Variants in NUP93 observed in about 807,000 individuals in gnomAD.
NUP93 encodes the protein nucleoporin 93.
NUP93 carries 55 observed loss-of-function variants against 107.8 expected under a neutral mutation model. That is an observed-to-expected ratio of 0.51 (90% CI 0.41 to 0.64). The LOEUF is 0.64. Ranked by LOEUF, NUP93 falls within the 30% of genes least tolerant of loss-of-function variation. NUP93 has a pLI of 0.00. For missense variants in NUP93, 937 were observed against 1,044.7 expected, an observed-to-expected ratio of 0.90 and a Z score of 1.42; for synonymous variants, 390 against 397.5, an observed-to-expected ratio of 0.98 and a Z score of 0.22.
intron 5 of NUP93, 92 bp downstream of exon 5, chr16:56,805,724 T>TC: frequency 1.2e-5 from 16 of 1,338,644 alleles, no homozygotes; most frequent in Non-Finnish European, 1.7e-5. Context: ...GCACAGTGGA[T>TC]CACTGTCTTC....
intron 3 of NUP93, among the ~76,000 whole-genome samples, chr16:56,790,092 C>T (rs1476990748): frequency 7.5e-6 from 1 of 133,606 alleles, no homozygotes; most frequent in East Asian, 2.3e-4. Flanking sequence ...AGCAAAACTC[C>T]ATCTCAAAAC....
chr16:56,810,628 C>G (rs1478633478), intron 5 of NUP93, among the ~76,000 whole-genome samples: 1 of 152,116 alleles, frequency 6.6e-6, no homozygotes, highest in Non-Finnish European at 1.5e-5. Context: ...CTGGGCAACA[C>G]AGTGAGACTC....
chr16:56,736,661 A>G (rs551990657), intron 1 of NUP93, among the ~76,000 whole-genome samples: 2 of 152,146 alleles, frequency 1.3e-5, no homozygotes, highest in Non-Finnish European at 2.9e-5. Flanking sequence ...ATTTGGAGAC[A>G]TGGTGGGTGT....
chr16:56,751,714 C>T (rs1212951511), intron 2 of NUP93, among the ~76,000 whole-genome samples: 2 of 152,142 alleles, frequency 1.3e-5, no homozygotes, highest in African/African-American at 4.8e-5. Flanking sequence ...ACCCAGGCCT[C>T]CTGACATTTT....
At position 56,833,384 on chromosome 16, in the gene NUP93, C is replaced by G; in HGVS notation, c.1515C>G (p.Ser505=). 12 of 1,565,652 alleles carry G rather than the reference C, an allele frequency of 7.7e-6. No homozygotes were observed. Among genetic ancestry groups the G allele is most frequent in the Non-Finnish European group, 6.9e-6 (8 of 1,162,530 alleles). Reference sequence around the variant, plus strand: ...TTGAGCTGAAGCTGCTTTTAAAGTCCTCTGGACAGAGTGCTCAGCTCCGTG... The same window carrying G: ...TTGAGCTGAAGCTGCTTTTAAAGTCGTCTGGACAGAGTGCTCAGCTCCGTG... ...VLFELKLLLK[S]SGQSAQLLSH... is the part of the protein sequence containing the mutation. Residue 505 remains serine (S), a synonymous_variant, in exon 13 of 22, where the codon TCC becomes TCG. Coordinates refer to ENST00000308159, the MANE Select transcript of NUP93 (RefSeq NM_014669.5).
Position 56,844,640 on chromosome 16 carries a change from A to G in NUP93, c.*31A>G. The G allele has an allele frequency of 2.7e-6, 4 of 1,473,164 alleles. No individual in the cohort carries two copies. The highest frequency in any genetic ancestry group is 3.7e-6 in the Non-Finnish European group (4 of 1,070,682). 91.3% of individuals were successfully genotyped at this position (1,473,164 alleles called of 1,614,324 possible). Reference sequence around the variant, plus strand: ...ATGCTTTGTGGGAGTCTGGGTCGGCACACTGTCAGTACATCAGGCACATGG... The same window carrying G: ...ATGCTTTGTGGGAGTCTGGGTCGGCGCACTGTCAGTACATCAGGCACATGG... On this transcript the variant is annotated 3_prime_UTR_variant, in exon 22 of 22. Transcript: ENST00000308159.
intron 3 of NUP93, among the ~76,000 whole-genome samples, chr16:56,789,284 C>A (rs1291519242): frequency 1.3e-5 from 2 of 152,228 alleles, no homozygotes; most frequent in African/African-American, 2.4e-5. Context: ...TTTTGAATCA[C>A]CTTATGCACA....
At chr16:56,806,753 C>T (rs1963149932) in intron 5 of NUP93, among the ~76,000 whole-genome samples, 1 of 152,214 alleles carries the variant, frequency 6.6e-6, no homozygotes, top group South Asian at 2.1e-4. Flanking sequence ...CAGAAACTAT[C>T]ATCTTTCTAT....
intron 4 of NUP93, among the ~76,000 whole-genome samples, chr16:56,800,081 G>A (rs1381193503): frequency 2.6e-5 from 4 of 152,148 alleles, no homozygotes; most frequent in Admixed American, 2.6e-4. Context: ...TACTCAAGAG[G>A]CTGAGGCAGG....
chr16:56,834,667 C>T (rs1963874316), intron 15 of NUP93, 67 bp from the exon 16 acceptor site: 2 of 1,436,956 alleles, frequency 1.4e-6, no homozygotes, highest in African/African-American at 1.4e-5. Context: ...TCTTTTTTCT[C>T]TGAAGACTTA....
chr16:56,769,217 G>GA (rs1325390632), intron 3 of NUP93, among the ~76,000 whole-genome samples: 1 of 152,180 alleles, frequency 6.6e-6, no homozygotes, highest in African/African-American at 2.4e-5. Flanking sequence ...GAAAGTTAGT[G>GA]AAAGTATAAA....
Position 56,823,747 on chromosome 16 carries a change from A to G in NUP93, c.695A>G (p.Asp232Gly). Residue 232 changes from aspartate to glycine, a missense_variant, in exon 8 of 22, where the codon GAC (aspartate) becomes GGC (glycine). Asp to Gly is a moderately conservative substitution (Grantham distance 94). Transcript: ENST00000308159. The stretch of plus-strand genomic sequence containing the variant: ...TGGACCATGGTAAAACAAATGACAG[A>G]CGTGTTGTTGACACCGGCAACGGAT... ...DMWTMVKQMTDVLLTPATDAL... is the reference protein window; with the variant it reads ...DMWTMVKQMTGVLLTPATDAL... 1 of 1,614,178 alleles carries G rather than the reference A, an allele frequency of 6.2e-7. No individual in the cohort carries two copies. Among genetic ancestry groups the G allele is most frequent in the Non-Finnish European group, 8.5e-7 (1 of 1,180,010 alleles).
chr16:56,734,462 C>CA (rs1243835360), intron 1 of NUP93, among the ~76,000 whole-genome samples: 1 of 152,132 alleles, frequency 6.6e-6, no homozygotes, highest in Non-Finnish European at 1.5e-5. Flanking sequence ...ATGTAGGCCT[C>CA]ACAGCACAGG....
At chr16:56,825,545 A>G (rs1456209317) in intron 8 of NUP93, among the ~76,000 whole-genome samples, 3 of 151,966 alleles carry the variant, frequency 2.0e-5, no homozygotes, top group Non-Finnish European at 4.4e-5. Context: ...AATGAGTGTA[A>G]GTGTATGACT....
At position 56,837,613 on chromosome 16, in the gene NUP93, T is replaced by G. The variant is rs759629183; in HGVS notation, c.1905T>G (p.Ala635=). ...AAKLYDLAKN[A]DKVLELMNKL... ...AATTTTAAAAACTTGAGCAGAATGC[T>G]GACAAGGTACTGGAGCTGATGAACA... The change falls in exon 18 of 22, where the codon GCT becomes GCG. Residue 635 remains alanine (A), a synonymous_variant. Coordinates refer to ENST00000308159, the MANE Select transcript of NUP93 (RefSeq NM_014669.5). The G allele has an allele frequency of 1.9e-5, 30 of 1,613,240 alleles. 2 individuals are homozygous for G. The South Asian group carries it at 3.2e-4, about 17-fold the overall frequency.
chr16:56,748,422 A>G lies in NUP93; in HGVS notation c.175A>G (p.Lys59Glu). 2.5e-6 allele frequency: 4 copies of G among 1,611,780 alleles called. No homozygotes were observed. The highest frequency in any genetic ancestry group is 3.4e-6 in the Non-Finnish European group (4 of 1,178,548). ...TRTSQETADV[K>E]ASVLLGSRGL... Reference sequence around the variant, plus strand: ...CACGTCCCAGGAGACGGCAGATGTCAAGGCGTGAGTACTGGTAGGGAGACA... The same window carrying G: ...CACGTCCCAGGAGACGGCAGATGTCGAGGCGTGAGTACTGGTAGGGAGACA... Residue 59 changes from lysine (K) to glutamate (E), a missense_variant, in exon 2 of 22, where the codon AAG becomes GAG. Coordinates refer to ENST00000308159, the MANE Select transcript of NUP93 (RefSeq NM_014669.5).
At chr16:56,815,886 GCT>G (rs1491051695) in intron 5 of NUP93, among the ~76,000 whole-genome samples, 1 of 139,410 alleles carries the variant, frequency 7.2e-6, no homozygotes, top group Non-Finnish European at 1.7e-5. Flanking sequence ...TGCTGCTGCT[GCT>G]GCTGCTGCTG....
At chr16:56,841,480 G>A (rs1022489383) in intron 20 of NUP93, among the ~76,000 whole-genome samples, 2 of 152,232 alleles carry the variant, frequency 1.3e-5, no homozygotes, top group African/African-American at 4.8e-5. Flanking sequence ...GCATAAAGGA[G>A]CAGGAACAGT....
At chr16:56,818,543 A>C in intron 5 of NUP93, 121 bp from the exon 6 acceptor site, 1 of 760,326 alleles carries the variant, frequency 1.3e-6, no homozygotes, top group Admixed American at 2.7e-5. Context: ...AGGAATTCTT[A>C]ACTAGGAAAC....
Sources: allele counts gnomAD v4.1 joint callset (sites outside exome capture counted in the v4.1 genomes callset), GRCh38; gene constraint gnomAD v4.1.1; transcripts MANE v1.5; gene names NCBI Gene and HGNC (gene_info 2026-07-23, HGNC 2026-07-21).